The following PRKG1 variants were observed in gnomAD, a reference collection of about 807,000 sequenced individuals.
The protein encoded by PRKG1 is protein kinase cGMP-dependent 1.
PRKG1 carries 35 observed loss-of-function variants against 88.1 expected under a neutral mutation model. That is an observed-to-expected ratio of 0.40 (90% CI 0.30 to 0.53). PRKG1 has a LOEUF of 0.53. Among genes scored for constraint, PRKG1 ranks in the 20% least tolerant of loss-of-function variants. The probability of loss-of-function intolerance (pLI) is 0.59; values close to 1 mark genes in which losing one functional copy is unlikely to be tolerated. For synonymous variants in PRKG1, 303 were observed against 292.5 expected, an observed-to-expected ratio of 1.04 and a Z score of -0.37; for missense variants, 540 against 839.8, an observed-to-expected ratio of 0.64 and a Z score of 4.41.
intron 2 of PRKG1, among the ~76,000 whole-genome samples, chr10:51,153,762 A>C (rs948996854): frequency 6.6e-6 from 1 of 152,014 alleles, no homozygotes; most frequent in African/African-American, 2.4e-5. Context: ...CTGTAAAAAG[A>C]AAATGTTTTT....
intron 1 of PRKG1, among the ~76,000 whole-genome samples, chr10:51,145,465 G>A (rs545574755): frequency 3.3e-5 from 5 of 152,116 alleles, no homozygotes; most frequent in Admixed American, 6.5e-5. Flanking sequence ...AAATGCGTAC[G>A]GTCTTATTTA....
intron 2 of PRKG1, among the ~76,000 whole-genome samples, chr10:51,241,407 C>A (rs1417300623): frequency 6.6e-6 from 1 of 152,010 alleles, no homozygotes; most frequent in Non-Finnish European, 1.5e-5. Context: ...AACATTTATT[C>A]ACATATTTGA....
At chr10:52,116,315 T>C (rs1388609478) in intron 7 of PRKG1, among the ~76,000 whole-genome samples, 1 of 152,170 alleles carries the variant, frequency 6.6e-6, no homozygotes, top group Admixed American at 6.5e-5. Context: ...TAAACAAAAG[T>C]ACTCATTATT....
At chr10:51,021,198 A>C (rs1331269886) in intron 1 of PRKG1, among the ~76,000 whole-genome samples, 1 of 152,148 alleles carries the variant, frequency 6.6e-6, no homozygotes, top group Non-Finnish European at 1.5e-5. Flanking sequence ...GGAAAAGTAG[A>C]TTAATTTTGA....
chr10:51,690,115 C>T (rs1471495615), intron 3 of PRKG1, among the ~76,000 whole-genome samples: 3 of 152,070 alleles, frequency 2.0e-5, no homozygotes, highest in African/African-American at 7.2e-5. Context: ...GGCACAGGAC[C>T]AGAGCAGGAG....
intron 3 of PRKG1, among the ~76,000 whole-genome samples, chr10:51,690,142 G>A (rs1841100176): frequency 6.6e-6 from 1 of 152,090 alleles, no homozygotes; most frequent in Non-Finnish European, 1.5e-5. Flanking sequence ...AGCAGAGGGG[G>A]AGGTGCTGCA....
chr10:51,475,874 T>A (rs1396532138), intron 3 of PRKG1, among the ~76,000 whole-genome samples: 1 of 152,060 alleles, frequency 6.6e-6, no homozygotes. Context: ...TTCGTTTGAT[T>A]TTTTGTTGTT....
intron 3 of PRKG1, among the ~76,000 whole-genome samples, chr10:51,478,372 C>T (rs1840259287): frequency 6.6e-6 from 1 of 152,036 alleles, no homozygotes; most frequent in Non-Finnish European, 1.5e-5. Context: ...AATCTATAAT[C>T]ACCACATTCC....
rs1309280241 is a variant in PRKG1, at chr10:51,711,406, A to G, written c.593-93179A>G. ...GGCGTGAGCCACTGCGCCTGGCCTG[A>G]CCTTTCTTTTTCATATACAGTCTCC... On this transcript the variant is annotated intron_variant, in intron 3 of 17. Coordinates refer to ENST00000373980, the MANE Select transcript of PRKG1 (RefSeq NM_006258.4). Among the ~76,000 whole-genome samples the G allele has an allele frequency of 2.0e-5, 3 of 152,078 alleles. No individual in the cohort carries two copies. In the East Asian group the frequency reaches 5.8e-4, roughly 29 times the overall value.
Position 51,736,803 on chromosome 10 carries a change from T to A in PRKG1, c.593-67782T>A, listed in dbSNP as rs932804270. Among the ~76,000 whole-genome samples, 7 of 145,292 alleles carry A rather than the reference T, an allele frequency of 4.8e-5. No individual in the cohort carries two copies. The South Asian group carries it at 1.1e-3, about 23-fold the overall frequency. On this transcript the variant is annotated intron_variant, in intron 3 of 17. Transcript: ENST00000373980. ...ACTACTACACCTGGCTAATTTTAACTTTTTTTTTTTTTTGTAGAGAAGGAG... is the reference window on the plus strand; with the variant it reads ...ACTACTACACCTGGCTAATTTTAACATTTTTTTTTTTTTGTAGAGAAGGAG...
intron 7 of PRKG1, among the ~76,000 whole-genome samples, chr10:52,068,159 C>T (rs1308382809): frequency 2.1e-5 from 2 of 96,512 alleles, no homozygotes; most frequent in Non-Finnish European, 2.5e-5. Context: ...GTCGAGATCG[C>T]GCCACTGCAC....
intron 2 of PRKG1, among the ~76,000 whole-genome samples, chr10:51,288,970 G>A (rs1840514017): frequency 6.6e-6 from 1 of 152,012 alleles, no homozygotes; most frequent in Non-Finnish European, 1.5e-5. Flanking sequence ...AAAGGGCTTA[G>A]TGCATAAAAT....
chr10:51,501,512 G>T (rs1841023170), intron 3 of PRKG1, among the ~76,000 whole-genome samples: 1 of 152,094 alleles, frequency 6.6e-6, no homozygotes, highest in Non-Finnish European at 1.5e-5. Context: ...TAATGGGAGT[G>T]CTATGCTGAC....
At chr10:52,217,390 A>G (rs1417623440) in intron 9 of PRKG1, among the ~76,000 whole-genome samples, 1 of 152,022 alleles carries the variant, frequency 6.6e-6, no homozygotes, top group Non-Finnish European at 1.5e-5. Context: ...ACACACACTT[A>G]TATATGTATA....
chr10:51,740,165 C>T (rs971972982), intron 3 of PRKG1, among the ~76,000 whole-genome samples: 1 of 152,046 alleles, frequency 6.6e-6, no homozygotes, highest in African/African-American at 2.4e-5. Context: ...GTAGCTGGGA[C>T]TACTGACACA....
intron 8 of PRKG1, among the ~76,000 whole-genome samples, chr10:52,142,135 G>A (rs536870984): frequency 3.9e-5 from 6 of 152,000 alleles, no homozygotes; most frequent in Non-Finnish European, 7.4e-5. Context: ...CCTCTTTTCC[G>A]AATCCTTTAG....
At chr10:51,699,743 CT>C (rs1392147391) in intron 3 of PRKG1, among the ~76,000 whole-genome samples, 2 of 152,216 alleles carry the variant, frequency 1.3e-5, no homozygotes, top group Non-Finnish European at 2.9e-5. Context: ...GTCCCTGATC[CT>C]TCATGGTTCT....
intron 4 of PRKG1, among the ~76,000 whole-genome samples, chr10:51,882,470 A>G (rs563089964): frequency 2.0e-5 from 3 of 152,250 alleles, no homozygotes; most frequent in Non-Finnish European, 2.9e-5. Context: ...GCCTCATTGT[A>G]TGTTAGGTGC....
intron 4 of PRKG1, among the ~76,000 whole-genome samples, chr10:51,875,384 T>TA (rs967466915): frequency 0.015 from 2,207 of 148,622 alleles, 31 homozygotes; most frequent in African/African-American, 0.043. Flanking sequence ...ATAATTGTTT[T>TA]AAAAAAAAAA....
Sources: allele counts gnomAD v4.1 joint callset (sites outside exome capture counted in the v4.1 genomes callset), GRCh38; gene constraint gnomAD v4.1.1; transcripts MANE v1.5; gene names NCBI Gene and HGNC (gene_info 2026-07-23, HGNC 2026-07-21).